Variants in CMIP observed in about 807,000 individuals in gnomAD.
CMIP encodes C-Maf-inducing protein.
A neutral mutation model predicts 97.3 loss-of-function variants in CMIP; 13 were observed. The ratio of observed to expected loss-of-function variants is 0.13; its 90% CI spans 0.09 to 0.21. CMIP has a LOEUF of 0.21. Ranked by LOEUF, CMIP falls within the 10% of genes least tolerant of loss-of-function variation. The pLI is 1.00. For synonymous variants in CMIP, 538 were observed against 436.3 expected (o/e 1.23, Z -2.91); for missense variants, 847 against 1,024.9 (o/e 0.83, Z 2.37).
intron 20 of CMIP, among the ~76,000 whole-genome samples, chr16:81,708,253 C>T (rs1296924716): frequency 1.3e-5 from 2 of 152,246 alleles, no homozygotes; most frequent in African/African-American, 4.8e-5. Flanking sequence ...CCCATCCCAG[C>T]GTTTAGACCT....
intron 3 of CMIP, among the ~76,000 whole-genome samples, chr16:81,641,206 T>G (rs999355291): frequency 7.9e-5 from 12 of 152,068 alleles, no homozygotes; most frequent in Non-Finnish European, 1.5e-4. Context: ...GTGAAAGGAT[T>G]TGGTGCAGGG....
At chr16:81,524,401 T>G (rs2925990) in intron 1 of CMIP, among the ~76,000 whole-genome samples, 1 of 152,176 alleles carries the variant, frequency 6.6e-6, no homozygotes, top group African/African-American at 2.4e-5. Context: ...CTTCAGCCAG[T>G]CTGGCTCTGC....
intron 3 of CMIP, among the ~76,000 whole-genome samples, chr16:81,625,922 C>T (rs1302871713): frequency 6.6e-6 from 1 of 152,266 alleles, no homozygotes; most frequent in Non-Finnish European, 1.5e-5. Flanking sequence ...AGCCCCAGAG[C>T]CGGGGACCAA....
intron 1 of CMIP, among the ~76,000 whole-genome samples, chr16:81,447,336 C>T (rs1905920916): frequency 6.6e-6 from 1 of 151,730 alleles, no homozygotes; most frequent in Non-Finnish European, 1.5e-5. Context: ...ATGGGAAGGC[C>T]AGGAGGAGCC....
At chr16:81,507,018 C>T (rs531121570) in intron 1 of CMIP, among the ~76,000 whole-genome samples, 3 of 152,086 alleles carry the variant, frequency 2.0e-5, no homozygotes, top group South Asian at 2.1e-4. Flanking sequence ...TTTGGGAGGC[C>T]GAGGTAGGTG....
chr16:81,610,942 C>G (rs1567609241), intron 2 of CMIP, among the ~76,000 whole-genome samples: 1 of 152,146 alleles, frequency 6.6e-6, no homozygotes, highest in East Asian at 1.9e-4. Context: ...GGGGACAGAT[C>G]TTCCCTGCTC....
In CMIP at chr16:81,683,561, T is replaced by C. The variant is rs1905083212; in HGVS notation, c.1388+4933T>C. ...CCTGCCACCAAGTCTGGCTAATTTT[T>C]GTATTTTTAGTAGAGACGGGTTTTT... On this transcript the variant is annotated intron_variant, in intron 10 of 20. Coordinates refer to ENST00000537098, the MANE Select transcript of CMIP (RefSeq NM_198390.3). Among the ~76,000 whole-genome samples, 3 of 151,216 alleles carry C rather than the reference T, an allele frequency of 2.0e-5. No homozygotes were observed. The South Asian group carries it at 6.3e-4, about 32-fold the overall frequency.
intron 3 of CMIP, among the ~76,000 whole-genome samples, chr16:81,649,404 C>T (rs1449967766): frequency 3.3e-5 from 5 of 152,250 alleles, no homozygotes; most frequent in African/African-American, 1.2e-4. Flanking sequence ...GCCCACTGGG[C>T]CCTGCTATGC....
intron 7 of CMIP, chr16:81,665,596 C>G (rs886830935): frequency 6.6e-6 from 1 of 152,092 alleles, no homozygotes; most frequent in Non-Finnish European, 1.5e-5. Context: ...CTGAGCCAGC[C>G]ACCACGTTAG....
chr16:81,446,359 C>G (rs1567519807), intron 1 of CMIP, among the ~76,000 whole-genome samples: 1 of 151,044 alleles, frequency 6.6e-6, no homozygotes, highest in African/African-American at 2.4e-5. Context: ...AACCATTGAT[C>G]TGTTTCTGAA....
chr16:81,681,117 CT>C (rs979664920), intron 10 of CMIP, among the ~76,000 whole-genome samples: 4 of 152,220 alleles, frequency 2.6e-5, no homozygotes, highest in African/African-American at 9.6e-5. Flanking sequence ...CCCGATGGGG[CT>C]ACGCAGAGGA....
chr16:81,608,714 C>T (rs2091783556), intron 2 of CMIP, among the ~76,000 whole-genome samples: 1 of 152,034 alleles, frequency 6.6e-6, no homozygotes. Context: ...ACCACGGTCA[C>T]ACATACATAA....
At chr16:81,551,888 G>C (rs1040983819) in intron 1 of CMIP, among the ~76,000 whole-genome samples, 3 of 152,222 alleles carry the variant, frequency 2.0e-5, no homozygotes, top group Non-Finnish European at 2.9e-5. Context: ...CTGCTGCTGT[G>C]ACAAAGACTC....
intron 10 of CMIP, among the ~76,000 whole-genome samples, chr16:81,689,810 C>A (rs575653409): frequency 6.6e-6 from 1 of 152,316 alleles, no homozygotes; most frequent in East Asian, 1.9e-4. Context: ...AGTCTTTAAT[C>A]CATCTTGAAT....
intron 1 of CMIP, among the ~76,000 whole-genome samples, chr16:81,582,313 T>A (rs950454267): frequency 8.5e-5 from 13 of 152,092 alleles, no homozygotes; most frequent in African/African-American, 2.9e-4. Flanking sequence ...TGGAATATTT[T>A]TTTTGCCAAC....
intron 1 of CMIP, among the ~76,000 whole-genome samples, chr16:81,455,304 T>G (rs1294152664): frequency 3.9e-5 from 6 of 152,184 alleles, no homozygotes; most frequent in East Asian, 1.9e-4. Flanking sequence ...CTATGCAGGT[T>G]TTATCAGTGA....
intron 10 of CMIP, among the ~76,000 whole-genome samples, chr16:81,684,421 CG>C (rs1412068970): frequency 2.0e-5 from 3 of 152,224 alleles, no homozygotes; most frequent in African/African-American, 7.2e-5. Context: ...ACGTTCTGCC[CG>C]TGACTTGCAG....
intron 1 of CMIP, among the ~76,000 whole-genome samples, chr16:81,482,164 C>A (rs549012894): frequency 1.3e-5 from 2 of 152,152 alleles, no homozygotes; most frequent in African/African-American, 4.8e-5. Flanking sequence ...TAGGCATGAG[C>A]TACCGGGCCT....
chr16:81,696,358 G>C (rs1906718284), intron 13 of CMIP: 1 of 622,416 alleles, frequency 1.6e-6, no homozygotes, highest in Non-Finnish European at 2.9e-6. Flanking sequence ...GAGTCCCCTG[G>C]GGTGTGGGGG....
Sources: gnomAD v4.1 joint callset for allele counts (sites outside exome capture counted in the v4.1 genomes callset) on GRCh38, gnomAD v4.1.1 for gene constraint, MANE v1.5 for transcripts, NCBI Gene and HGNC (gene_info 2026-07-23, HGNC 2026-07-21) for gene names.